LARGE1: variants seen among roughly 807,000 people sequenced by gnomAD.
LARGE1 encodes the protein LARGE xylosyl- and glucuronyltransferase 1, also known as xylosyl- and glucuronyltransferase LARGE1.
Under a neutral mutation model 87.6 loss-of-function variants are expected in LARGE1, and 43 were observed. The observed-to-expected ratio is 0.49, with a 90% CI of 0.38 to 0.63. The LOEUF is 0.63. LARGE1 is among the 30% of genes least tolerant of loss of function. The pLI is 0.00. For missense variants in LARGE1, 802 were observed against 1,000.2 expected (o/e 0.80, Z 2.67); for synonymous variants, 434 against 394.6 (o/e 1.10, Z -1.18).
At chr22:33,435,080 C>A (rs2067218559) in intron 6 of LARGE1, among the ~76,000 whole-genome samples, 1 of 152,220 alleles carries the variant, frequency 6.6e-6, no homozygotes, top group Non-Finnish European at 1.5e-5. Context: ...CGGCTCACTG[C>A]AACCTTCGCC....
intron 3 of LARGE1, among the ~76,000 whole-genome samples, chr22:33,645,291 C>T (rs1198312865): frequency 6.6e-6 from 1 of 152,138 alleles, no homozygotes; most frequent in African/African-American, 2.4e-5. Flanking sequence ...ATTAACCACA[C>T]ATTTACAACT....
intron 2 of LARGE1, among the ~76,000 whole-genome samples, chr22:33,651,898 G>A (rs771284339): frequency 1.3e-5 from 2 of 152,194 alleles, no homozygotes; most frequent in East Asian, 1.9e-4. Context: ...GCACGGCCGC[G>A]TGTGGTGGCT....
At chr22:33,335,127 G>C (rs369006581) in intron 10 of LARGE1, among the ~76,000 whole-genome samples, 1 of 152,220 alleles carries the variant, frequency 6.6e-6, no homozygotes, top group Non-Finnish European at 1.5e-5. Flanking sequence ...GGAAATAAAC[G>C]AGGTAGGAGA....
chr22:33,246,462 G>A (rs939044039), intron 11 of LARGE1, among the ~76,000 whole-genome samples: 7 of 152,036 alleles, frequency 4.6e-5, no homozygotes, highest in Admixed American at 1.3e-4. Context: ...TCTGGCCAAC[G>A]TGGCAAAACC....
At chr22:33,642,429 A>T (rs546480769) in intron 3 of LARGE1, among the ~76,000 whole-genome samples, 2 of 152,250 alleles carry the variant, frequency 1.3e-5, no homozygotes, top group East Asian at 3.9e-4. Flanking sequence ...CACTGCAAAA[A>T]CATACCAAAT....
chr22:33,485,071 C>G (rs1344359054), intron 6 of LARGE1, among the ~76,000 whole-genome samples: 3 of 151,642 alleles, frequency 2.0e-5, no homozygotes. Flanking sequence ...ACCACCACGC[C>G]CGGCTAATTT....
intron 2 of LARGE1, among the ~76,000 whole-genome samples, chr22:33,726,716 TG>T (rs971836515): frequency 2.6e-5 from 4 of 152,182 alleles, no homozygotes; most frequent in African/African-American, 9.7e-5. Flanking sequence ...TTCCATTACT[TG>T]GCCAGCCCCA....
exon 12 of LARGE1, chr22:33,163,375 C>G (rs1922103100): frequency 6.6e-6 from 1 of 152,170 alleles, no homozygotes; most frequent in African/African-American, 2.4e-5. Flanking sequence ...AAACCAGTTT[C>G]CAACATTTCC....
chr22:33,174,524 C>A (rs1009872417), intron 11 of LARGE1, among the ~76,000 whole-genome samples: 1 of 152,262 alleles, frequency 6.6e-6, no homozygotes, highest in African/African-American at 2.4e-5. Context: ...GCATGAAAAA[C>A]CCTTCAAAAA....
intron 1 of LARGE1, among the ~76,000 whole-genome samples, chr22:33,844,493 C>T (rs372829376): frequency 1.3e-5 from 2 of 152,058 alleles, no homozygotes; most frequent in Admixed American, 6.6e-5. Flanking sequence ...CCACTTAGGA[C>T]GATCAGGCAG....
intron 1 of LARGE1, among the ~76,000 whole-genome samples, chr22:33,871,872 A>G (rs991645981): frequency 6.6e-6 from 1 of 152,034 alleles, no homozygotes; most frequent in African/African-American, 2.4e-5. Flanking sequence ...AAAAAAATTT[A>G]AGGTCAGAGG....
intron 1 of LARGE1, among the ~76,000 whole-genome samples, chr22:33,834,409 T>G (rs2063056247): frequency 6.6e-6 from 1 of 152,218 alleles, no homozygotes; most frequent in South Asian, 2.1e-4. Context: ...CTGCCTTAAC[T>G]GATGACATTA....
At chr22:33,081,029 A>T in the LARGE1 span, among the ~76,000 whole-genome samples, 1 of 152,082 alleles carries the variant, frequency 6.6e-6, no homozygotes, top group Non-Finnish European at 1.5e-5. Flanking sequence ...TTCTGGACTG[A>T]ACTGTTTTGC....
At chr22:33,325,410 C>T (rs530321666) in intron 10 of LARGE1, among the ~76,000 whole-genome samples, 33 of 152,358 alleles carry the variant, frequency 2.2e-4, no homozygotes, top group African/African-American at 7.2e-4. Context: ...AAATTTTATT[C>T]GCCTTCTTTT....
At chr22:33,307,923 G>A (rs969313008) in intron 11 of LARGE1, among the ~76,000 whole-genome samples, 1 of 152,044 alleles carries the variant, frequency 6.6e-6, no homozygotes, top group African/African-American at 2.4e-5. Context: ...CTGATGCCAA[G>A]CTCTGTGGCC....
chr22:33,610,990 C>T (rs983911489), intron 4 of LARGE1, among the ~76,000 whole-genome samples: 4 of 152,134 alleles, frequency 2.6e-5, no homozygotes, highest in Admixed American at 6.5e-5. Context: ...CCTGTCAGGA[C>T]GGAGAGTGCA....
At chr22:33,851,837 AG>A (rs1320360652) in intron 1 of LARGE1, among the ~76,000 whole-genome samples, 1 of 152,250 alleles carries the variant, frequency 6.6e-6, no homozygotes, top group East Asian at 1.9e-4. Context: ...AAGAGGCAGG[AG>A]GAACAGAATG....
chr22:33,275,053 T>C (rs151273095), intron 14 of LARGE1, among the ~76,000 whole-genome samples: 167 of 152,264 alleles, frequency 1.1e-3, no homozygotes, highest in Admixed American at 1.8e-3. Context: ...TGATTCCTCA[T>C]AGGACTTGAT....
At chr22:33,695,163 G>A (rs2082207217) in intron 2 of LARGE1, among the ~76,000 whole-genome samples, 1 of 149,580 alleles carries the variant, frequency 6.7e-6, no homozygotes, top group Non-Finnish European at 1.5e-5. Context: ...GAGTGCAGCA[G>A]CAAGACCTCA....
Sources: gnomAD v4.1 joint callset for allele counts (sites outside exome capture counted in the v4.1 genomes callset) on GRCh38, gnomAD v4.1.1 for gene constraint, MANE v1.5 for transcripts, NCBI Gene and HGNC (gene_info 2026-07-23, HGNC 2026-07-21) for gene names.